Variants in MBNL1 observed in about 807,000 individuals in gnomAD.
MBNL1 encodes the protein muscleblind-like protein 1.
A neutral mutation model predicts 42.2 loss-of-function variants in MBNL1; 8 were observed. The observed-to-expected ratio is 0.19, with a 90% CI of 0.11 to 0.34. The LOEUF (loss-of-function observed/expected upper bound fraction) is 0.34, where lower values mean the gene tolerates loss of function less well. Among genes scored for constraint, MBNL1 ranks in the 10% least tolerant of loss-of-function variants. The pLI is 1.00. For missense variants in MBNL1, 309 were observed against 495.3 expected (o/e 0.62, Z 3.57); for synonymous variants, 169 against 173.9 (o/e 0.97, Z 0.22).
chr3:152,340,439 A>G, intron 2 of MBNL1: 2 of 1,301,874 alleles, frequency 1.5e-6, no homozygotes, highest in Non-Finnish European at 2.1e-6. Context: ...GTTCAGTTCC[A>G]TTTTTTTTTT....
intron 2 of MBNL1, among the ~76,000 whole-genome samples, chr3:152,331,207 TACACACAC>T (rs140853274): frequency 6.6e-6 from 1 of 151,246 alleles, no homozygotes; most frequent in African/African-American, 2.4e-5. Flanking sequence ...CATACACACA[TACACACAC>T]ACACCCTGCC....
chr3:152,458,813 A>C (rs1739002514), intron 8 of MBNL1: 1 of 149,188 alleles, frequency 6.7e-6, no homozygotes, highest in South Asian at 2.2e-4. Flanking sequence ...TATAATTCTT[A>C]CCTGGTATTT....
At chr3:152,276,192 C>G (rs1055761790) in intron 1 of MBNL1, among the ~76,000 whole-genome samples, 3 of 152,012 alleles carry the variant, frequency 2.0e-5, no homozygotes. Context: ...TCTTGTCTTG[C>G]CTCCACTGAT....
intron 2 of MBNL1, among the ~76,000 whole-genome samples, chr3:152,410,097 A>G (rs1374681328): frequency 1.8e-4 from 28 of 151,994 alleles, no homozygotes; most frequent in Admixed American, 1.8e-3. Flanking sequence ...ATATCTTACT[A>G]TATATATCAC....
At chr3:152,305,264 G>A (rs1308934809) in intron 2 of MBNL1, among the ~76,000 whole-genome samples, 1 of 152,148 alleles carries the variant, frequency 6.6e-6, no homozygotes, top group Non-Finnish European at 1.5e-5. Flanking sequence ...CCCAGTTCAG[G>A]TGAAAGGTGA....
intron 2 of MBNL1, among the ~76,000 whole-genome samples, chr3:152,354,068 A>G (rs980057531): frequency 9.2e-5 from 14 of 152,200 alleles, no homozygotes; most frequent in Admixed American, 3.3e-4. Flanking sequence ...CAGGCATCCA[A>G]TTGAGGTCTG....
chr3:152,437,973 C>A (rs2099100815), intron 4 of MBNL1, among the ~76,000 whole-genome samples: 1 of 151,976 alleles, frequency 6.6e-6, no homozygotes, highest in South Asian at 2.1e-4. Context: ...GGGGTTTCAC[C>A]ATGTTTGCCA....
intron 2 of MBNL1, chr3:152,244,541 C>T (rs2032423139): frequency 6.6e-6 from 1 of 151,640 alleles, no homozygotes; most frequent in Non-Finnish European, 1.5e-5. Flanking sequence ...ATTAGATAAA[C>T]CTGATAACTC....
chr3:152,247,608 A>G (rs1019104216), intron 2 of MBNL1, among the ~76,000 whole-genome samples: 1 of 152,018 alleles, frequency 6.6e-6, no homozygotes, highest in Non-Finnish European at 1.5e-5. Flanking sequence ...TTTAAAATAT[A>G]ACTTGTTATT....
chr3:152,420,526 CCTAA>C (rs1226347665), intron 3 of MBNL1, among the ~76,000 whole-genome samples: 4 of 152,122 alleles, frequency 2.6e-5, no homozygotes, highest in South Asian at 2.1e-4. Flanking sequence ...AGCAGAGGGG[CCTAA>C]CTGTTAGAAG....
At chr3:152,302,985 A>T (rs2061359624) in intron 2 of MBNL1, among the ~76,000 whole-genome samples, 1 of 151,790 alleles carries the variant, frequency 6.6e-6, no homozygotes, top group Admixed American at 6.6e-5. Context: ...TTACGTTAAT[A>T]GCAGACTTCT....
chr3:152,279,383 C>T (rs1426420610), intron 1 of MBNL1, among the ~76,000 whole-genome samples: 1 of 152,136 alleles, frequency 6.6e-6, no homozygotes. Flanking sequence ...AACCCCATCC[C>T]TCCCCATCCC....
chr3:152,458,032 C>T, intron 8 of MBNL1: 1 of 881,924 alleles, frequency 1.1e-6, no homozygotes, highest in Non-Finnish European at 1.9e-6. Flanking sequence ...CTGGAAATAG[C>T]TGATGCCACA....
chr3:152,316,848 C>T (rs2071959292), intron 2 of MBNL1, among the ~76,000 whole-genome samples: 1 of 152,010 alleles, frequency 6.6e-6, no homozygotes, highest in African/African-American at 2.4e-5. Context: ...TTTCTTCCTC[C>T]TCTTCCTTCT....
intron 6 of MBNL1, among the ~76,000 whole-genome samples, chr3:152,454,668 T>C (rs922087963): frequency 6.6e-6 from 1 of 152,210 alleles, no homozygotes; most frequent in Admixed American, 6.5e-5. Flanking sequence ...ATATGTGATG[T>C]ATGTATTTTC....
chr3:152,342,919 T>C (rs1020530206), intron 2 of MBNL1, among the ~76,000 whole-genome samples: 1 of 152,198 alleles, frequency 6.6e-6, no homozygotes, highest in Non-Finnish European at 1.5e-5. Context: ...GATATAGATA[T>C]AAATGTTTCT....
At chr3:152,456,153 A>G (rs1382557987) in intron 7 of MBNL1, 114 bp from the exon 8 acceptor site, 5 of 727,764 alleles carry the variant, frequency 6.9e-6, no homozygotes, top group Non-Finnish European at 1.3e-5. Flanking sequence ...ATGTCCTGTC[A>G]CATGGCTTAT....
At chr3:152,424,719 A>G (rs1441546244) in intron 3 of MBNL1, among the ~76,000 whole-genome samples, 1 of 152,242 alleles carries the variant, frequency 6.6e-6, no homozygotes, top group Non-Finnish European at 1.5e-5. Context: ...TACTGGTACC[A>G]AAACAGATAT....
At chr3:152,404,638 ATAT>A (rs1560464221) in intron 2 of MBNL1, among the ~76,000 whole-genome samples, 2 of 151,638 alleles carry the variant, frequency 1.3e-5, no homozygotes, top group African/African-American at 2.4e-5. Context: ...ATACCATCCT[ATAT>A]TACTGTCTAA....
Sources: gnomAD v4.1 joint callset for allele counts (sites outside exome capture counted in the v4.1 genomes callset) on GRCh38, gnomAD v4.1.1 for gene constraint, MANE v1.5 for transcripts, NCBI Gene and HGNC (gene_info 2026-07-23, HGNC 2026-07-21) for gene names.